The following SLC36A1 variants were observed in gnomAD, a reference collection of about 807,000 sequenced individuals.
The protein encoded by SLC36A1 is proton-coupled amino acid transporter 1.
In SLC36A1, 30 loss-of-function variants were observed where a neutral mutation model predicts 47.5. The ratio of observed to expected loss-of-function variants is 0.63; its 90% CI spans 0.47 to 0.86. The LOEUF is 0.86. Ranked by LOEUF, SLC36A1 falls within the 40% of genes least tolerant of loss-of-function variation. The pLI is 0.00. For missense variants in SLC36A1, 517 were observed against 606.0 expected (o/e 0.85, Z 1.54); for synonymous variants, 255 against 249.7 (o/e 1.02, Z -0.20).
chr5:151,550,734 G>T, the SLC36A1 span: 4 of 1,614,138 alleles, frequency 2.5e-6, no homozygotes, highest in Non-Finnish European at 3.4e-6. Context: ...TGAGGCTTTT[G>T]CCCTTGTCTT....
At chr5:151,347,510 A>G in the SLC36A1 span, 49 of 1,607,012 alleles carry the variant, frequency 3.0e-5, no homozygotes, top group Admixed American at 8.3e-5. Flanking sequence ...TCTGCTCTGG[A>G]AGGAGGGAAG....
chr5:151,525,551 CCT>C, the SLC36A1 span, among the ~76,000 whole-genome samples: 5,334 of 152,308 alleles, frequency 0.035, 294 homozygotes, highest in African/African-American at 0.12. Context: ...ACTTAAATCC[CCT>C]GTGTTCCTCA....
chr5:151,480,143 T>C, intron 10 of SLC36A1: 1 of 1,409,694 alleles, frequency 7.1e-7, no homozygotes, highest in East Asian at 2.6e-5. Context: ...ATTTTTTTTG[T>C]AGCTTCTGTG....
the SLC36A1 span, chr5:151,545,375 T>C: frequency 5.1e-5 from 82 of 1,614,052 alleles, 3 homozygotes; most frequent in Non-Finnish European, 3.0e-5. Flanking sequence ...ACAGGATGGA[T>C]GGTAACAGCT....
At chr5:151,469,299 T>C in intron 7 of SLC36A1, 1 of 685,684 alleles carries the variant, frequency 1.5e-6, no homozygotes, top group Non-Finnish European at 2.6e-6. Context: ...TACATTGAAA[T>C]ATATTTTGTT....
the SLC36A1 span, among the ~76,000 whole-genome samples, chr5:151,385,009 A>AGAGAGTGTGTGTGTGTGTGTGT: frequency 1.2e-4 from 15 of 128,464 alleles, no homozygotes; most frequent in Non-Finnish European, 1.7e-4. Context: ...AGAGAGAGAG[A>AGAGAGTGTGTGTGTGTGTGTGT]GTGTGTGTGT....
At chr5:151,467,304 G>GAAAAAAAAAAA (rs373057431) in intron 6 of SLC36A1, 21 bp downstream of exon 6, 2 of 810,648 alleles carry the variant, frequency 2.5e-6, no homozygotes, top group South Asian at 1.8e-5. Context: ...GGTTAAAAAA[G>GAAAAAAAAAAA]AAAAAAAAAA....
the SLC36A1 span, among the ~76,000 whole-genome samples, chr5:151,409,799 C>T: frequency 2.0e-5 from 3 of 152,214 alleles, no homozygotes; most frequent in African/African-American, 7.2e-5. Context: ...TCATCCAAAT[C>T]AGCTGGGGAA....
At chr5:151,367,947 CAT>C in the SLC36A1 span, among the ~76,000 whole-genome samples, 1 of 152,196 alleles carries the variant, frequency 6.6e-6, no homozygotes, top group Non-Finnish European at 1.5e-5. Flanking sequence ...AAAAATCCAA[CAT>C]GTGTCCTTTC....
the SLC36A1 span, among the ~76,000 whole-genome samples, chr5:151,397,764 C>CAAAAAAAAAAAAA: frequency 2.3e-5 from 1 of 44,322 alleles, no homozygotes; most frequent in Non-Finnish European, 4.1e-5. Flanking sequence ...AACTCCAACT[C>CAAAAAAAAAAAAA]AAAAAAAAAA....
downstream of SLC36A1, chr5:151,492,466 T>C (rs899844935): frequency 6.6e-6 from 1 of 152,128 alleles, no homozygotes; most frequent in Non-Finnish European, 1.5e-5. Context: ...TTCCGGCTTA[T>C]GCCACAGAGT....
intron 10 of SLC36A1, chr5:151,480,234 C>T: frequency 4.4e-6 from 2 of 457,662 alleles, no homozygotes; most frequent in East Asian, 7.0e-5. Flanking sequence ...AATTGTTTTC[C>T]AAATTCAAAT....
chr5:151,356,079 G>A, the SLC36A1 span, among the ~76,000 whole-genome samples: 765 of 152,026 alleles, frequency 5.0e-3, 1 homozygote, highest in African/African-American at 0.017. Context: ...TAAGAATACA[G>A]GAGGATCCCA....
At chr5:151,387,762 C>T in the SLC36A1 span, among the ~76,000 whole-genome samples, 3 of 152,222 alleles carry the variant, frequency 2.0e-5, no homozygotes, top group Non-Finnish European at 4.4e-5. Context: ...CCACCATGCC[C>T]AGCTTGTCTG....
chr5:151,507,047 T>C, the SLC36A1 span: 12 of 947,524 alleles, frequency 1.3e-5, no homozygotes, highest in South Asian at 3.3e-5. Flanking sequence ...TCCCAAAGGG[T>C]TGGATGCGTG....
the SLC36A1 span, among the ~76,000 whole-genome samples, chr5:151,358,343 C>A: frequency 6.6e-6 from 1 of 151,948 alleles, no homozygotes; most frequent in Non-Finnish European, 1.5e-5. Context: ...GTGATCCTCA[C>A]TCACTGTAGC....
intron 1 of SLC36A1, among the ~76,000 whole-genome samples, chr5:151,455,758 G>A (rs796254509): frequency 9.8e-5 from 15 of 152,332 alleles, no homozygotes; most frequent in African/African-American, 3.4e-4. Flanking sequence ...TTGCCTGGGG[G>A]AGTGCGTCCT....
Position 151,479,503 on chromosome 5 carries a change from G to A in SLC36A1, c.1159+14G>A, listed in dbSNP as rs773527372. On this transcript the variant is annotated intron_variant, in intron 10 of 10. Transcript: ENST00000243389. ...TCTGCCTGACATGTGAGTAGAAGAT[G>A]ATAATTGCCTTGCTTGTTTTTCCCT... The A allele has an allele frequency of 3.5e-5, 57 of 1,606,414 alleles. 1 individual carries two copies. The East Asian group carries it at 1.1e-3, about 30-fold the overall frequency.
intron 7 of SLC36A1, among the ~76,000 whole-genome samples, chr5:151,471,152 G>A (rs1168514191): frequency 6.6e-6 from 1 of 152,158 alleles, no homozygotes; most frequent in Non-Finnish European, 1.5e-5. Context: ...TGTATGTATA[G>A]CGAAATCAGT....
Sources: allele counts gnomAD v4.1 joint callset (sites outside exome capture counted in the v4.1 genomes callset), GRCh38; gene constraint gnomAD v4.1.1; transcripts MANE v1.5; gene names NCBI Gene and HGNC (gene_info 2026-07-23, HGNC 2026-07-21).